Variants in BCAR3 observed in about 807,000 individuals in gnomAD.
BCAR3 encodes breast cancer anti-estrogen resistance protein 3.
Under a neutral mutation model 80.1 loss-of-function variants are expected in BCAR3, and 37 were observed. The observed-to-expected ratio is 0.46, with a 90% CI of 0.36 to 0.61. BCAR3 has a LOEUF of 0.61. Among genes scored for constraint, BCAR3 ranks in the 20% least tolerant of loss-of-function variants. BCAR3 has a pLI of 0.00. For synonymous variants in BCAR3, 389 were observed against 418.9 expected (o/e 0.93, Z 0.87); for missense variants, 978 against 1,068.2 (o/e 0.92, Z 1.18).
chr1:93,592,571 T>G lies in BCAR3; in HGVS notation c.358-178A>C, dbSNP rs1268817731. On this transcript the variant is annotated intron_variant, in intron 3 of 11. Transcript: ENST00000260502. This position sits in a 1 kb window ranked among gnomAD's most constrained non-coding sequence, Gnocchi z 4.8. ...CCTTTCGTTTCTCCGGCCGCAACCA[T>G]GTAATAAAATTTTCACCTGCACATG... 2 of 813,338 alleles carry G rather than the reference T, an allele frequency of 2.5e-6. No individual in the cohort carries two copies. Among genetic ancestry groups the G allele is most frequent in the East Asian group, 6.2e-5 (2 of 32,304 alleles). The allele number at this position is 813,338 out of a possible 1,614,324, so 50.4% of individuals were successfully genotyped here.
chr1:93,763,681 G>A (rs1012336661), intron 2 of BCAR3, among the ~76,000 whole-genome samples: 1 of 152,044 alleles, frequency 6.6e-6, no homozygotes, highest in African/African-American at 2.4e-5. Context: ...TCTCTCTCCA[G>A]ACTCATCCAT....
intron 3 of BCAR3, among the ~76,000 whole-genome samples, chr1:93,616,287 T>C (rs1478999404): frequency 6.6e-6 from 1 of 152,232 alleles, no homozygotes; most frequent in Non-Finnish European, 1.5e-5. Context: ...CAAAAATAAT[T>C]TCTGAAGCAG....
At chr1:93,719,596 C>A (rs920719987) in intron 2 of BCAR3, among the ~76,000 whole-genome samples, 1 of 152,108 alleles carries the variant, frequency 6.6e-6, no homozygotes, top group Non-Finnish European at 1.5e-5. Context: ...CCTGCCTCGG[C>A]CTCCCAAAGT....
At chr1:93,705,895 C>T (rs988938914) in intron 3 of BCAR3, among the ~76,000 whole-genome samples, 4 of 151,690 alleles carry the variant, frequency 2.6e-5, no homozygotes, top group East Asian at 1.9e-4. Flanking sequence ...CTCAAGGCTG[C>T]GATGAATAAG....
At chr1:93,588,907 C>A (rs1020945951) in intron 5 of BCAR3, 70 bp downstream of exon 5, 75 of 1,428,736 alleles carry the variant, frequency 5.2e-5, no homozygotes, top group African/African-American at 7.2e-5. Context: ...ATGATGAATT[C>A]TTCACCTGCC....
intron 2 of BCAR3, among the ~76,000 whole-genome samples, chr1:93,778,640 C>T (rs960545258): frequency 2.6e-5 from 4 of 152,126 alleles, no homozygotes; most frequent in Non-Finnish European, 5.9e-5. Context: ...ACTACTCACA[C>T]CTCCTACTGG....
intron 2 of BCAR3, among the ~76,000 whole-genome samples, chr1:93,662,529 T>A (rs577783652): frequency 6.6e-6 from 1 of 152,194 alleles, no homozygotes; most frequent in Non-Finnish European, 1.5e-5. Context: ...TTGTCATTCA[T>A]GTATGTGATC....
chr1:93,735,480 T>C (rs1650943532), intron 2 of BCAR3, among the ~76,000 whole-genome samples: 1 of 152,202 alleles, frequency 6.6e-6, no homozygotes, highest in South Asian at 2.1e-4. Context: ...ACATCCCATA[T>C]TAAAAAATTA....
At chr1:93,587,834 C>T (rs747606092) in intron 5 of BCAR3, among the ~76,000 whole-genome samples, 3 of 152,096 alleles carry the variant, frequency 2.0e-5, no homozygotes, top group Non-Finnish European at 4.4e-5. Flanking sequence ...CTGCCTTTTC[C>T]CTCCTTTCCT....
intron 3 of BCAR3, among the ~76,000 whole-genome samples, chr1:93,702,008 G>C (rs11576435): frequency 0.11 from 16,893 of 152,212 alleles, 1,036 homozygotes; most frequent in Non-Finnish European, 0.13. Flanking sequence ...CTTGGGGTGG[G>C]GTTGGGGGTG....
At chr1:93,836,018 T>C (rs1383993313) in intron 2 of BCAR3, among the ~76,000 whole-genome samples, 1 of 152,172 alleles carries the variant, frequency 6.6e-6, no homozygotes, top group Non-Finnish European at 1.5e-5. Context: ...TCATACCCCT[T>C]ACCATCCTCA....
chr1:93,692,907 G>C (rs942148242), intron 3 of BCAR3, among the ~76,000 whole-genome samples: 2 of 152,208 alleles, frequency 1.3e-5, no homozygotes, highest in Non-Finnish European at 2.9e-5. Flanking sequence ...TTCAGACATA[G>C]GGTCAGAGTG....
At chr1:93,764,902 T>A (rs934811233) in intron 2 of BCAR3, among the ~76,000 whole-genome samples, 7 of 152,148 alleles carry the variant, frequency 4.6e-5, no homozygotes, top group African/African-American at 1.7e-4. Context: ...CCAGGCCACA[T>A]CCACAGTCCT....
chr1:93,621,532 A>C (rs1041038807), intron 3 of BCAR3, among the ~76,000 whole-genome samples: 2 of 152,134 alleles, frequency 1.3e-5, no homozygotes, highest in Non-Finnish European at 2.9e-5. Flanking sequence ...CTGATAAAGC[A>C]CCCTGGCTGG....
At position 93,710,811 on chromosome 1, in the gene BCAR3, C is replaced by T. The variant is rs550342380; in HGVS notation, c.-62-4669G>A. ...CCCAAACCTAGTAGCTTAAAACAAACATTTGTTATCTCACATATTCTTTGG... is the reference window on the plus strand; with the variant it reads ...CCCAAACCTAGTAGCTTAAAACAAATATTTGTTATCTCACATATTCTTTGG... On this transcript the variant is annotated intron_variant, in intron 2 of 13. Coordinates refer to the BCAR3 transcript ENST00000370244. Among the ~76,000 whole-genome samples, 4 of 152,328 alleles carry T rather than the reference C, an allele frequency of 2.6e-5. No homozygotes were observed. The East Asian group carries it at 7.7e-4, about 29-fold the overall frequency.
rs866161145 is a variant in BCAR3, at chr1:93,765,712, G to T, written c.-62-59570C>A. 2.2e-4 allele frequency among the ~76,000 whole-genome samples: 34 copies of T among 151,448 alleles called. 1 individual carries two copies. Among genetic ancestry groups the T allele is most frequent in the Middle Eastern group, 6.8e-3 (2 of 292 alleles). The stretch of plus-strand genomic sequence containing the variant: ...TAGAGAGAGTCTTGCTGTCACACAG[G>T]CTGGAGTGCAGTGGCACAATCTTGG... On this transcript the variant is annotated intron_variant, in intron 2 of 13. Coordinates refer to the BCAR3 transcript ENST00000370244.
At chr1:93,571,258 C>T (rs1041907279) in intron 9 of BCAR3, among the ~76,000 whole-genome samples, 3 of 151,462 alleles carry the variant, frequency 2.0e-5, no homozygotes, top group African/African-American at 7.3e-5. Flanking sequence ...CCTGTAATTC[C>T]AGCACTTCGG....
intron 2 of BCAR3, among the ~76,000 whole-genome samples, chr1:93,643,620 G>C (rs1030479580): frequency 6.6e-6 from 1 of 151,266 alleles, no homozygotes; most frequent in African/African-American, 2.4e-5. Flanking sequence ...AGTAGTTATG[G>C]GGATGGGGGC....
chr1:93,766,573 T>C, intron 2 of BCAR3, among the ~76,000 whole-genome samples: 1 of 152,250 alleles, frequency 6.6e-6, no homozygotes. Context: ...CCAGAGCCGC[T>C]GCTGGCCACA....
Sources: gnomAD v4.1 joint callset for allele counts (sites outside exome capture counted in the v4.1 genomes callset) on GRCh38, gnomAD v4.1.1 for gene constraint, Gnocchi (gnomAD v3.1) non-coding constraint, MANE v1.5 for transcripts, NCBI Gene and HGNC (gene_info 2026-07-23, HGNC 2026-07-21) for gene names.